WDR54: variants seen among roughly 807,000 people sequenced by gnomAD.
The protein encoded by WDR54 is WD repeat-containing protein 54.
Under a neutral mutation model 44.1 loss-of-function variants are expected in WDR54, and 44 were observed. That is an observed-to-expected ratio of 1.00 (90% confidence interval 0.78 to 1.28). The LOEUF (loss-of-function observed/expected upper bound fraction) is 1.28. Among genes scored for constraint, WDR54 ranks in the 50% most tolerant of loss-of-function variants. The pLI is 0.00. For missense variants in WDR54, 409 were observed against 429.7 expected (o/e 0.95, Z 0.43); for synonymous variants, 169 against 169.8 (o/e 1.00, Z 0.04).
At chr2:74,425,002 C>T (rs758826573) in intron 7 of WDR54, 27 bp downstream of exon 7, 1 of 1,614,060 alleles carries the variant, frequency 6.2e-7, no homozygotes, top group Non-Finnish European at 8.5e-7. Flanking sequence ...GGGTAGAGGG[C>T]TTCCTGAGAT....
intron 3 of WDR54, 170 bp downstream of exon 3, chr2:74,423,102 G>A: frequency 3.5e-6 from 3 of 855,364 alleles, no homozygotes; most frequent in Non-Finnish European, 5.6e-6. Flanking sequence ...CAGTTTCCAA[G>A]TGCCACCTCC....
chr2:74,423,257 T>G (rs1484203264), intron 3 of WDR54, 62 bp from the exon 4 acceptor site: 1 of 1,561,314 alleles, frequency 6.4e-7, no homozygotes, highest in Non-Finnish European at 8.8e-7. Context: ...AACACGGATA[T>G]GTGAAGTACT....
intron 6 of WDR54, 143 bp from the exon 7 acceptor site, chr2:74,424,732 T>G (rs1670282981): frequency 2.1e-6 from 2 of 948,844 alleles, no homozygotes; most frequent in Admixed American, 2.1e-5. Context: ...TGGTTTCTGA[T>G]GGGTCTAGCT....
At position 74,425,141 on chromosome 2, in the gene WDR54, G is replaced by A. The variant is rs973122180; in HGVS notation, c.702G>A (p.Val234=). ...IIAAGYGNGQ[V]HLYEATTGNL... is the part of the protein sequence containing the mutation. ...CAGCAGGCTATGGGAACGGACAAGT[G>A]CATCTATATGAGGCCACTACAGGAA... The change falls in exon 8 of 10, where the codon GTG becomes GTA. Residue 234 remains valine (V), a synonymous_variant. Coordinates refer to ENST00000348227, the MANE Select transcript of WDR54 (RefSeq NM_032118.4). 9 of 1,562,740 alleles carry A rather than the reference G, an allele frequency of 5.8e-6. No individual in the cohort carries two copies. Among genetic ancestry groups the A allele is most frequent in the African/African-American group, 1.3e-5 (1 of 74,118 alleles).
chr2:74,421,827 T>G lies in WDR54; in HGVS notation c.-2+11T>G, dbSNP rs1167087758. On this transcript the variant is annotated intron_variant, in intron 1 of 9. Coordinates refer to ENST00000348227, the MANE Select transcript of WDR54 (RefSeq NM_032118.4). Reference sequence around the variant, plus strand: ...GATCTGGGGCTGCAGGTGTTACCTCTGATCTAGGCCGGGGGCTTCAGGGAT... The same window carrying G: ...GATCTGGGGCTGCAGGTGTTACCTCGGATCTAGGCCGGGGGCTTCAGGGAT... The G allele has an allele frequency of 2.1e-5, 14 of 663,724 alleles. No homozygotes were observed. In the East Asian group the frequency reaches 3.9e-4, roughly 18 times the overall value. 41.1% of individuals were successfully genotyped at this position (663,724 alleles called of 1,614,324 possible).
rs1573227969 is a variant in WDR54 at position 74,425,252 on chromosome 2, C to G, written c.798+15C>G. On this transcript the variant is annotated intron_variant, in intron 8 of 9. Coordinates refer to ENST00000348227, the MANE Select transcript of WDR54 (RefSeq NM_032118.4). ...AGGTGGGCAAGGTAAGTCTCCTCCT[C>G]TGTACCTACATACCCTTTTTCCTGG... is the stretch of plus-strand genomic sequence containing the variant. 3 of 1,535,236 alleles carry G rather than the reference C, an allele frequency of 2.0e-6. No individual in the cohort carries two copies. The highest frequency in any genetic ancestry group is 2.6e-6 in the Non-Finnish European group (3 of 1,140,602).
intron 5 of WDR54, 55 bp from the exon 6 acceptor site, chr2:74,423,800 C>T (rs1189995407): frequency 1.3e-6 from 2 of 1,597,684 alleles, no homozygotes; most frequent in Non-Finnish European, 1.7e-6. Flanking sequence ...AGTATGGTGG[C>T]TGGAGACCCA....
At chr2:74,423,638 G>C in intron 5 of WDR54, 107 bp downstream of exon 5, 1 of 1,503,534 alleles carries the variant, frequency 6.7e-7, no homozygotes, top group Non-Finnish European at 9.1e-7. Context: ...GGGAAGGGTG[G>C]AAGTGGAGTG....
chr2:74,423,360 A>G lies in WDR54; in HGVS notation c.327A>G (p.Ala109=). The change falls in exon 4 of 10, where the codon GCA becomes GCG. Residue 109 remains alanine, a synonymous_variant. Coordinates refer to ENST00000348227, the MANE Select transcript of WDR54 (RefSeq NM_032118.4). ...GCTACACCATGGTCTACTGGCATGCACTGGACTCTGGAGATGCCTCCCCAG... is the reference window on the plus strand; with the variant it reads ...GCTACACCATGGTCTACTGGCATGCGCTGGACTCTGGAGATGCCTCCCCAG... ...SNGYTMVYWH[A]LDSGDASPVQ... is the part of the protein sequence containing the mutation. The G allele has an allele frequency of 1.9e-6, 3 of 1,614,114 alleles. No individual in the cohort carries two copies. The highest frequency in any genetic ancestry group is 1.7e-4 in the Middle Eastern group (1 of 5,980).
At position 74,422,267 on chromosome 2, in the gene WDR54, T is replaced by C. The variant is rs774489751; in HGVS notation, c.114T>C (p.His38=). ...ACCTCACGTATTTTGGCGTGGTTCA[T>C]GGACCAAGCGCCCAGCTTCTCAGCG... ...ARNLTYFGVV[H]GPSAQLLSAA... The change falls in exon 2 of 10, where the codon CAT becomes CAC. Residue 38 remains histidine (H), a synonymous_variant. Transcript: ENST00000348227. The C allele has an allele frequency of 3.1e-5, 50 of 1,614,114 alleles. No homozygotes were observed. The highest frequency in any genetic ancestry group is 2.0e-4 in the African/African-American group (15 of 74,952).
chr2:74,421,923 G>T, intron 1 of WDR54, 107 bp downstream of exon 1: 2 of 614,182 alleles, frequency 3.3e-6, no homozygotes, highest in Non-Finnish European at 5.9e-6. Flanking sequence ...GCCATCGGGT[G>T]GTCCTGTGTC....
intron 8 of WDR54, 73 bp from the exon 9 acceptor site, chr2:74,425,344 C>T: frequency 6.3e-7 from 1 of 1,595,080 alleles, no homozygotes. Flanking sequence ...TCCCCTGGGG[C>T]ACCTGGACTG....
chr2:74,425,200 C>T lies in WDR54; in HGVS notation c.761C>T (p.Ala254Val). 1.3e-6 allele frequency: 2 copies of T among 1,534,756 alleles called. No homozygotes were observed. Among genetic ancestry groups the T allele is most frequent in the Non-Finnish European group, 1.8e-6 (2 of 1,138,976 alleles). The stretch of plus-strand genomic sequence containing the variant: ...GTCCAGATCAATGCCCATGCCCGGG[C>T]CATCTGCGCCCTGGACCTGGCTTCT... ...LHVQINAHAR[A>V]ICALDLASEV... is the part of the protein sequence containing the mutation. Residue 254 changes from alanine to valine, a missense_variant, in exon 8 of 10, where the codon GCC becomes GTC. Coordinates refer to ENST00000348227, the MANE Select transcript of WDR54 (RefSeq NM_032118.4).
At position 74,423,853 on chromosome 2, in the gene WDR54, A is replaced by G. The variant is rs375923222; in HGVS notation, c.407-2A>G. The G allele has an allele frequency of 5.6e-6, 9 of 1,613,894 alleles. No individual in the cohort carries two copies. The African/African-American group carries it at 1.2e-4, about 22-fold the overall frequency. On this transcript the variant is annotated splice_acceptor_variant, in intron 5 of 9. Transcript: ENST00000348227. LOFTEE classifies it high-confidence loss of function. ...TCACTGGAGTACTGGTTCTGGATAC[A>G]GGAACGTGGTCAGGCCGGGTGCTGG...
chr2:74,425,494 A>G lies in WDR54; in HGVS notation c.873+3A>G. 6.2e-7 allele frequency: 1 copy of G among 1,614,144 alleles called. No individual in the cohort carries two copies. The highest frequency in any genetic ancestry group is 8.5e-7 in the Non-Finnish European group (1 of 1,180,010). On this transcript the variant is annotated splice_donor_region_variant and intron_variant, in intron 9 of 9. Transcript: ENST00000348227. Reference sequence around the variant, plus strand: ...ACCCAGAGAGTGGCTACATTGAGGTATGTGTCATGGGGTGGGTGGAATGGG... The same window carrying G: ...ACCCAGAGAGTGGCTACATTGAGGTGTGTGTCATGGGGTGGGTGGAATGGG...
At position 74,425,098 on chromosome 2, in the gene WDR54, T is replaced by C; in HGVS notation, c.659T>C (p.Leu220Pro). 6.3e-7 allele frequency: 1 copy of C among 1,595,066 alleles called. No individual in the cohort carries two copies. The highest frequency in any genetic ancestry group is 8.6e-7 in the Non-Finnish European group (1 of 1,167,020). ...GFGVPCPSVQ[L>P]WQGIIAAGYG... ...AGAGTTCCGTGCCCCTCTGTGCAGC[T>C]GTGGCAGGGGATCATAGCAGCAGGC... is the stretch of plus-strand genomic sequence containing the variant. Residue 220 changes from leucine (L) to proline (P), a missense_variant, in exon 8 of 10, where the codon CTG becomes CCG. Coordinates refer to ENST00000348227, the MANE Select transcript of WDR54 (RefSeq NM_032118.4).
chr2:74,423,352 T>C lies in WDR54; in HGVS notation c.319T>C (p.Trp107Arg). The C allele has an allele frequency of 6.2e-7, 1 of 1,614,090 alleles. No individual in the cohort carries two copies. Among genetic ancestry groups the C allele is most frequent in the East Asian group, 2.2e-5 (1 of 44,886 alleles). Residue 107 changes from tryptophan (W) to arginine (R), a missense_variant, in exon 4 of 10, where the codon TGG (tryptophan) becomes CGG (arginine). Physicochemically the swap from Trp to Arg is moderately radical, Grantham distance 101 (BLOSUM62 -3). Transcript: ENST00000348227. ...GTCCAATGGCTACACCATGGTCTAC[T>C]GGCATGCACTGGACTCTGGAGATGC... is the stretch of plus-strand genomic sequence containing the variant. ...YESNGYTMVY[W>R]HALDSGDASP...
chr2:74,425,257 C>T lies in WDR54; in HGVS notation c.798+20C>T, dbSNP rs766717070. On this transcript the variant is annotated intron_variant, in intron 8 of 9. Coordinates refer to ENST00000348227, the MANE Select transcript of WDR54 (RefSeq NM_032118.4). ...GGCAAGGTAAGTCTCCTCCTCTGTA[C>T]CTACATACCCTTTTTCCTGGCAGTG... 5 of 1,535,214 alleles carry T rather than the reference C, an allele frequency of 3.3e-6. No individual in the cohort carries two copies.
At chr2:74,422,640 A>C in intron 2 of WDR54, 2 of 611,428 alleles carry the variant, frequency 3.3e-6, no homozygotes, top group Non-Finnish European at 5.7e-6. Flanking sequence ...GAATACAAAA[A>C]AAATTAACCG....
Sources: allele counts gnomAD v4.1 joint callset, GRCh38; gene constraint gnomAD v4.1.1; transcripts MANE v1.5; gene names NCBI Gene and HGNC (gene_info 2026-07-23, HGNC 2026-07-21).